FGF12: variants seen among roughly 807,000 people sequenced by gnomAD.
FGF12 encodes fibroblast growth factor 12B.
Under a neutral mutation model 23.6 loss-of-function variants are expected in FGF12, and 14 were observed. The ratio of observed to expected loss-of-function variants is 0.59; its 90% CI spans 0.39 to 0.93. FGF12 has a LOEUF of 0.93. Among genes scored for constraint, FGF12 ranks in the 40% least tolerant of loss-of-function variants. The probability of loss-of-function intolerance (pLI) is 0.00; values close to 1 mark genes in which losing one functional copy is unlikely to be tolerated. For synonymous variants in FGF12, 62 were observed against 77.3 expected (o/e 0.80, Z 1.04); for missense variants, 175 against 217.8 (o/e 0.80, Z 1.24).
chr3:192,616,850 A>G (rs1714774284), intron 2 of FGF12, among the ~76,000 whole-genome samples: 1 of 151,762 alleles, frequency 6.6e-6, no homozygotes, highest in Non-Finnish European at 1.5e-5. Context: ...CTCTTTAGAG[A>G]GTTAAGCTAT....
chr3:192,709,192 G>A (rs1718585919), intron 2 of FGF12, among the ~76,000 whole-genome samples: 1 of 152,152 alleles, frequency 6.6e-6, no homozygotes, highest in South Asian at 2.1e-4. Context: ...TGAATTTGCT[G>A]GCTGATTTGA....
chr3:192,641,101 C>CTTTTTT (rs1164796476), intron 2 of FGF12, among the ~76,000 whole-genome samples: 2 of 56,644 alleles, frequency 3.5e-5, no homozygotes, highest in Admixed American at 2.0e-4. Flanking sequence ...TGGCCTTTCA[C>CTTTTTT]TTTTTTTTTT....
rs1724587150 is a variant in FGF12 at position 192,514,267 on chromosome 3, TC to T, written c.14-153730del. 6.6e-6 allele frequency among the ~76,000 whole-genome samples: 1 copy of T among 152,154 alleles called. No homozygotes were observed. Among genetic ancestry groups the T allele is most frequent in the South Asian group, 2.1e-4 (1 of 4,824 alleles). ...GCCTTGCCAGCCATCTGTTTAAAAG[TC>T]CCCTCTCCTGTGGAACGCACGAGCA... On this transcript the variant is annotated intron_variant, in intron 2 of 5. Coordinates refer to ENST00000445105, the MANE Select transcript of FGF12 (RefSeq NM_004113.6). This position sits in a 1 kb window ranked among gnomAD's most constrained non-coding sequence, Gnocchi z 4.9.
At chr3:192,507,352 C>A (rs1230247289) in intron 2 of FGF12, among the ~76,000 whole-genome samples, 1 of 149,596 alleles carries the variant, frequency 6.7e-6, no homozygotes, top group Non-Finnish European at 1.5e-5. Flanking sequence ...CACACACACA[C>A]ACACACACAC....
At chr3:192,620,062 C>T (rs914053496) in intron 2 of FGF12, among the ~76,000 whole-genome samples, 2 of 152,064 alleles carry the variant, frequency 1.3e-5, no homozygotes, top group Non-Finnish European at 2.9e-5. Context: ...TACTGGAACT[C>T]TTATTCAAAT....
chr3:192,467,443 T>G (rs1362221582), intron 2 of FGF12, among the ~76,000 whole-genome samples: 1 of 152,182 alleles, frequency 6.6e-6, no homozygotes, highest in East Asian at 1.9e-4. Context: ...ATTGGCCAGA[T>G]GATGGCAGCA....
intron 2 of FGF12, among the ~76,000 whole-genome samples, chr3:192,576,051 G>C (rs1712867086): frequency 1.3e-5 from 2 of 152,114 alleles, no homozygotes; most frequent in South Asian, 4.1e-4. Context: ...AGATAAATCA[G>C]GTCACTGAGG....
chr3:192,620,665 T>C (rs1459060937), intron 2 of FGF12, among the ~76,000 whole-genome samples: 1 of 152,174 alleles, frequency 6.6e-6, no homozygotes, highest in Non-Finnish European at 1.5e-5. Context: ...CTCACTCTTA[T>C]TTTCTTTATG....
rs530714137 is a variant in FGF12 at position 192,624,862 on chromosome 3, C to T, written c.13+102319G>A. Among the ~76,000 whole-genome samples the T allele has an allele frequency of 2.0e-5, 3 of 152,142 alleles. No homozygotes were observed. The South Asian group carries it at 6.2e-4, about 32-fold the overall frequency. ...TCCCCTATTTGTGATCCATCAGTAC[C>T]CTTCCATAGAGCAGCCATTTTGTCA... On this transcript the variant is annotated intron_variant, in intron 2 of 5. Transcript: ENST00000445105.
At chr3:192,217,783 C>G (rs1718267034) in intron 4 of FGF12, among the ~76,000 whole-genome samples, 2 of 152,048 alleles carry the variant, frequency 1.3e-5, no homozygotes, top group South Asian at 2.1e-4. Flanking sequence ...ATCAGTAATT[C>G]ATGATATATG....
intron 2 of FGF12, among the ~76,000 whole-genome samples, chr3:192,529,446 A>C (rs1215287738): frequency 6.6e-6 from 1 of 152,162 alleles, no homozygotes; most frequent in Non-Finnish European, 1.5e-5. Flanking sequence ...GGGAGTTCCA[A>C]ACTGTCCCAC....
chr3:192,237,494 T>G (rs1719362689), intron 4 of FGF12, among the ~76,000 whole-genome samples: 1 of 152,224 alleles, frequency 6.6e-6, no homozygotes, highest in Admixed American at 6.5e-5. Flanking sequence ...TTTGGTCTCC[T>G]TACATAATCT....
intron 2 of FGF12, among the ~76,000 whole-genome samples, chr3:192,694,549 G>A (rs1718047088): frequency 6.6e-6 from 1 of 151,794 alleles, no homozygotes; most frequent in African/African-American, 2.4e-5. Flanking sequence ...ACATATATGT[G>A]TGTGTACATA....
In FGF12 at chr3:192,322,500, G is replaced by A. The variant is rs111655506; in HGVS notation, c.228+12861C>T. Among the ~76,000 whole-genome samples the A allele has an allele frequency of 3.9e-4, 51 of 129,338 alleles. 1 individual carries two copies. In the South Asian group the frequency reaches 7.8e-3, roughly 20 times the overall value. 84.9% of individuals were successfully genotyped at this position (129,338 alleles called of 152,430 possible). ...ATTTATAATTTATATTAAACCACAC[G>A]CAGACACACACACACACACACACCC... On this transcript the variant is annotated intron_variant, in intron 4 of 5. Transcript: ENST00000445105.
chr3:192,473,272 A>G (rs996791002), intron 2 of FGF12, among the ~76,000 whole-genome samples: 3 of 152,196 alleles, frequency 2.0e-5, no homozygotes, highest in Non-Finnish European at 4.4e-5. Context: ...AACCTTCAGA[A>G]TGGCTGACAC....
At chr3:192,616,064 T>C (rs1560170185) in intron 2 of FGF12, among the ~76,000 whole-genome samples, 1 of 151,946 alleles carries the variant, frequency 6.6e-6, no homozygotes, top group Admixed American at 6.6e-5. Context: ...ATCTAACACA[T>C]ATAACCTCAA....
chr3:192,350,101 A>T (rs570373299), intron 3 of FGF12, among the ~76,000 whole-genome samples: 1 of 152,268 alleles, frequency 6.6e-6, no homozygotes, highest in South Asian at 2.1e-4. Flanking sequence ...TTAAGAATTT[A>T]TTACAGGCCA....
intron 2 of FGF12, among the ~76,000 whole-genome samples, chr3:192,593,536 C>T (rs920766394): frequency 6.6e-6 from 1 of 151,932 alleles, no homozygotes; most frequent in Admixed American, 6.6e-5. Flanking sequence ...TGGCACTTTA[C>T]AGATACTCAA....
chr3:192,321,251 C>T (rs916512219), intron 4 of FGF12, among the ~76,000 whole-genome samples: 2 of 151,888 alleles, frequency 1.3e-5, no homozygotes, highest in Non-Finnish European at 2.9e-5. Flanking sequence ...ATGATTGAAC[C>T]CTGAAAGAGT....
Sources: gnomAD v4.1 joint callset for allele counts (sites outside exome capture counted in the v4.1 genomes callset) on GRCh38, gnomAD v4.1.1 for gene constraint, Gnocchi (gnomAD v3.1) non-coding constraint, MANE v1.5 for transcripts, NCBI Gene and HGNC (gene_info 2026-07-23, HGNC 2026-07-21) for gene names.